GPC5: variants seen among roughly 807,000 people sequenced by gnomAD.
The protein encoded by GPC5 is glypican 5, also known as glypican-5.
A neutral mutation model predicts 53.9 loss-of-function variants in GPC5; 47 were observed. That is an observed-to-expected ratio of 0.87 (90% CI 0.69 to 1.11). The LOEUF (loss-of-function observed/expected upper bound fraction) is 1.11, where lower values mean the gene tolerates loss of function less well. Ranked by LOEUF, GPC5 falls within the 50% of genes most tolerant of loss-of-function variation. The probability of loss-of-function intolerance (pLI) is 0.00; values close to 1 mark genes in which losing one functional copy is unlikely to be tolerated. For synonymous variants in GPC5, 286 were observed against 263.3 expected (o/e 1.09, Z -0.84); for missense variants, 748 against 713.1 (o/e 1.05, Z -0.56).
intron 6 of GPC5, among the ~76,000 whole-genome samples, chr13:92,029,088 A>G (rs1566401818): frequency 2.0e-5 from 3 of 152,150 alleles, no homozygotes; most frequent in Admixed American, 1.3e-4. Context: ...GGAAATCTAT[A>G]TATTTATCTA....
chr13:92,527,233 GAAAGAAAGAAAGAAAGAGAA>G (rs1881376179), intron 7 of GPC5, among the ~76,000 whole-genome samples: 4 of 37,512 alleles, frequency 1.1e-4, no homozygotes, highest in Non-Finnish European at 1.8e-4. Context: ...AAGAAAGAAA[GAAAGAAAGAAAGAAAGAGAA>G]AGAAAGAAAG....
intron 1 of GPC5, among the ~76,000 whole-genome samples, chr13:91,407,753 C>T (rs535619036): frequency 1.3e-5 from 2 of 152,094 alleles, no homozygotes; most frequent in Non-Finnish European, 2.9e-5. Flanking sequence ...AGTTCAGTCT[C>T]TATTGTGGAT....
intron 7 of GPC5, among the ~76,000 whole-genome samples, chr13:92,531,023 C>T (rs904177801): frequency 3.9e-5 from 6 of 152,144 alleles, no homozygotes; most frequent in African/African-American, 1.4e-4. Context: ...ATATAAATAC[C>T]TAAATCCTTA....
chr13:92,008,904 C>T (rs1302426768), intron 6 of GPC5, among the ~76,000 whole-genome samples: 1 of 151,876 alleles, frequency 6.6e-6, no homozygotes, highest in Non-Finnish European at 1.5e-5. Context: ...GTTTCTATTG[C>T]TATGTCTTCA....
intron 7 of GPC5, among the ~76,000 whole-genome samples, chr13:92,382,371 A>T (rs1198253047): frequency 6.6e-6 from 1 of 152,124 alleles, no homozygotes; most frequent in East Asian, 1.9e-4. Context: ...TGGAAAAATA[A>T]AAAGTTAAAA....
At chr13:92,779,832 A>G (rs1466759270) in intron 7 of GPC5, among the ~76,000 whole-genome samples, 1 of 152,174 alleles carries the variant, frequency 6.6e-6, no homozygotes, top group East Asian at 1.9e-4. Context: ...GGACAAACTC[A>G]TAAACCAGAA....
intron 7 of GPC5, among the ~76,000 whole-genome samples, chr13:92,482,874 G>C (rs754496152): frequency 6.6e-6 from 1 of 152,106 alleles, no homozygotes; most frequent in Non-Finnish European, 1.5e-5. Flanking sequence ...TTCTCACCCT[G>C]CTAATAAAGA....
At chr13:92,294,217 G>A (rs965031716) in intron 7 of GPC5, among the ~76,000 whole-genome samples, 2 of 152,050 alleles carry the variant, frequency 1.3e-5, no homozygotes, top group African/African-American at 4.8e-5. Flanking sequence ...AGAATGATTT[G>A]GGGAGGGGTC....
chr13:92,749,348 G>C (rs1889321049), intron 7 of GPC5, among the ~76,000 whole-genome samples: 1 of 151,814 alleles, frequency 6.6e-6, no homozygotes, highest in Non-Finnish European at 1.5e-5. Flanking sequence ...TTGAAGTTTG[G>C]TAAATCATGT....
At chr13:91,402,150 G>A (rs1055995357) in intron 1 of GPC5, among the ~76,000 whole-genome samples, 6 of 152,104 alleles carry the variant, frequency 3.9e-5, no homozygotes, top group African/African-American at 1.4e-4. Flanking sequence ...GAAAGGGGAA[G>A]TTCATAAAAA....
intron 2 of GPC5, among the ~76,000 whole-genome samples, chr13:91,656,355 C>T (rs185891829): frequency 6.6e-6 from 1 of 152,186 alleles, no homozygotes; most frequent in East Asian, 1.9e-4. Context: ...AACTGCTATT[C>T]AAGAATGTAT....
At chr13:91,905,199 CA>C (rs1319238429) in intron 5 of GPC5, among the ~76,000 whole-genome samples, 1 of 152,048 alleles carries the variant, frequency 6.6e-6, no homozygotes, top group Non-Finnish European at 1.5e-5. Flanking sequence ...ATTAATAAAA[CA>C]GCCACATGTG....
At chr13:91,604,502 G>T (rs2033292090) in intron 2 of GPC5, among the ~76,000 whole-genome samples, 1 of 148,060 alleles carries the variant, frequency 6.8e-6, no homozygotes, top group African/African-American at 2.5e-5. Context: ...GGTTTTTCCA[G>T]TTCTAGATCC....
At chr13:92,263,532 A>G (rs1332040772) in intron 7 of GPC5, among the ~76,000 whole-genome samples, 1 of 152,130 alleles carries the variant, frequency 6.6e-6, no homozygotes, top group Non-Finnish European at 1.5e-5. Context: ...TTCTTAGATC[A>G]TTTACATTTC....
chr13:92,212,217 A>C (rs921745540), intron 7 of GPC5, among the ~76,000 whole-genome samples: 1 of 152,102 alleles, frequency 6.6e-6, no homozygotes, highest in Admixed American at 6.6e-5. Flanking sequence ...TTTATGAAGT[A>C]GGTACCATTA....
intron 7 of GPC5, among the ~76,000 whole-genome samples, chr13:92,589,366 T>A (rs1043301271): frequency 6.6e-6 from 1 of 152,184 alleles, no homozygotes; most frequent in Non-Finnish European, 1.5e-5. Context: ...TGCTGCGATT[T>A]TCTACTGTTG....
chr13:92,863,844 T>G (rs932960877), intron 7 of GPC5, among the ~76,000 whole-genome samples: 3 of 152,146 alleles, frequency 2.0e-5, no homozygotes, highest in Non-Finnish European at 4.4e-5. Context: ...TAATAATATT[T>G]CCTTCATTTT....
chr13:92,151,853 T>C (rs2041909628), intron 7 of GPC5, among the ~76,000 whole-genome samples: 1 of 151,950 alleles, frequency 6.6e-6, no homozygotes, highest in African/African-American at 2.4e-5. Context: ...AAAGAAACTA[T>C]CCAAATGGGG....
intron 7 of GPC5, among the ~76,000 whole-genome samples, chr13:92,703,837 TAAAG>T (rs1212683420): frequency 6.6e-6 from 1 of 151,916 alleles, no homozygotes; most frequent in Non-Finnish European, 1.5e-5. Flanking sequence ...GATTTGTAAA[TAAAG>T]AAATGAGCAA....
Sources: allele counts gnomAD v4.1 joint callset (sites outside exome capture counted in the v4.1 genomes callset), GRCh38; gene constraint gnomAD v4.1.1; transcripts MANE v1.5; gene names NCBI Gene and HGNC (gene_info 2026-07-23, HGNC 2026-07-21).